KMT2C: variants seen among roughly 807,000 people sequenced by gnomAD.
The protein encoded by KMT2C is histone-lysine N-methyltransferase 2C.
Under a neutral mutation model 507.9 loss-of-function variants are expected in KMT2C, and 88 were observed. The observed-to-expected ratio is 0.17, with a 90% confidence interval of 0.15 to 0.21. The LOEUF is 0.21. KMT2C is among the 10% of genes least tolerant of loss of function. The probability of loss-of-function intolerance (pLI) is 1.00; values close to 1 mark genes in which losing one functional copy is unlikely to be tolerated. For missense variants in KMT2C, 4,954 were observed against 5,957.8 expected (o/e 0.83, Z 5.55); for synonymous variants, 2,049 against 2,080.8 (o/e 0.98, Z 0.42).
intron 7 of KMT2C, among the ~76,000 whole-genome samples, chr7:152,270,035 T>G (rs1184795030): frequency 1.6e-4 from 24 of 152,212 alleles, no homozygotes; most frequent in Admixed American, 1.4e-3. Flanking sequence ...TCAAAATAGC[T>G]GTCATACAGT....
intron 23 of KMT2C, among the ~76,000 whole-genome samples, chr7:152,209,922 G>A (rs1382453816): frequency 6.6e-6 from 1 of 152,072 alleles, no homozygotes; most frequent in Non-Finnish European, 1.5e-5. Context: ...CAAGCAACAA[G>A]AGATTTAATT....
At chr7:152,253,512 TA>T (rs2095595644) in intron 9 of KMT2C, among the ~76,000 whole-genome samples, 1 of 13,216 alleles carries the variant, frequency 7.6e-5, no homozygotes, top group African/African-American at 3.8e-4. Flanking sequence ...CCTCTTTCTC[TA>T]CAAAAAAAAA....
chr7:152,148,747 G>A lies in KMT2C; in HGVS notation c.13180C>T (p.Pro4394Ser), dbSNP rs369709875. ...KKLGTSLKPD[P>S]VPKDYRKCCF... Reference sequence around the variant, plus strand: ...CATTTCCGATAGTCTTTGGGCACAGGATCAGGTTTAAGGGAAGTGCCCAAT... The same window carrying A: ...CATTTCCGATAGTCTTTGGGCACAGAATCAGGTTTAAGGGAAGTGCCCAAT... Residue 4394 changes from proline (P) to serine (S), a missense_variant, in exon 52 of 59, where the codon CCT becomes TCT. Physicochemically the swap from Pro to Ser is moderately conservative, Grantham distance 74. This residue lies in a region of KMT2C where 417 missense variants were observed against 461.1 expected (regional missense o/e 0.90). Coordinates refer to ENST00000262189, the MANE Select transcript of KMT2C (RefSeq NM_170606.3). The surrounding 1 kb of genome is among the most constrained non-coding windows in gnomAD (Gnocchi z 7.1). 6.8e-6 allele frequency: 11 copies of A among 1,614,082 alleles called. No individual in the cohort carries two copies. Among genetic ancestry groups the A allele is most frequent in the South Asian group, 1.1e-5 (1 of 91,094 alleles).
intron 2 of KMT2C, among the ~76,000 whole-genome samples, chr7:152,348,011 G>A (rs925034175): frequency 1.3e-5 from 2 of 152,080 alleles, no homozygotes; most frequent in Non-Finnish European, 2.9e-5. Context: ...TGAAAAATGG[G>A]ACATCACTAC....
At position 152,183,095 on chromosome 7, in the gene KMT2C, G is replaced by C. The variant is rs1359780310; in HGVS notation, c.5144C>G (p.Ser1715Cys). The C allele has an allele frequency of 1.2e-6, 2 of 1,612,704 alleles. No individual in the cohort carries two copies. Among genetic ancestry groups the C allele is most frequent in the East Asian group, 2.2e-5 (1 of 44,832 alleles). ...RINKVQMSND[S>C]MKRQQQQDSI... ...ATCTTGCTGTTGCTGCCTTTTCATG[G>C]AATCATTTGACATCTGTACTTTATT... The change falls in exon 35 of 59, where the codon TCC becomes TGC. Residue 1715 changes from serine (S) to cysteine (C), a missense_variant. Physicochemically the swap from Ser to Cys is moderately radical, Grantham distance 112 (BLOSUM62 -1). Transcript: ENST00000262189.
chr7:152,310,382 C>T (rs2096660194), intron 5 of KMT2C, among the ~76,000 whole-genome samples: 2 of 152,136 alleles, frequency 1.3e-5, no homozygotes, highest in Non-Finnish European at 2.9e-5. Context: ...TTGAGACCAG[C>T]CTGGCTAACA....
chr7:152,138,935 G>T lies in KMT2C; in HGVS notation c.14535-31C>A. On this transcript the variant is annotated intron_variant, in intron 57 of 58. Transcript: ENST00000262189. The surrounding 1 kb of genome is among the most constrained non-coding windows in gnomAD (Gnocchi z 4.2). The stretch of plus-strand genomic sequence containing the variant: ...AGCCACCATGTCAGAAAACTGTATT[G>T]TAAAACAGCTAGAAGCAGCTTTAAA... The T allele has an allele frequency of 6.6e-7, 1 of 1,511,272 alleles. No homozygotes were observed. Among genetic ancestry groups the T allele is most frequent in the Non-Finnish European group, 9.2e-7 (1 of 1,086,356 alleles). The allele number at this position is 1,511,272 out of a possible 1,614,324, so 93.6% of individuals were successfully genotyped here.
At chr7:152,421,143 G>A (rs2097775108) in intron 1 of KMT2C, among the ~76,000 whole-genome samples, 1 of 152,016 alleles carries the variant, frequency 6.6e-6, no homozygotes, top group Non-Finnish European at 1.5e-5. Flanking sequence ...ATGAAAAAAT[G>A]CTCAACATCA....
In KMT2C at chr7:152,135,378, A is replaced by G. The variant is rs1427900333; in HGVS notation, c.*1454T>C. 3.2e-5 allele frequency: 7 copies of G among 216,400 alleles called. No homozygotes were observed. In the Admixed American group the frequency reaches 4.1e-4, roughly 13 times the overall value. 13.4% of individuals were successfully genotyped at this position (216,400 alleles called of 1,614,324 possible). A position where few individuals can be genotyped will look rare whatever the true frequency, so the allele number is the denominator to read the frequency against. On this transcript the variant is annotated 3_prime_UTR_variant, in exon 59 of 59. Transcript: ENST00000262189. ...GGTTCAAAATGCTGATTAAGTTTCTACAAGCAAACACAAAACAGTGTTTTT... is the reference window on the plus strand; with the variant it reads ...GGTTCAAAATGCTGATTAAGTTTCTGCAAGCAAACACAAAACAGTGTTTTT...
intron 2 of KMT2C, among the ~76,000 whole-genome samples, chr7:152,348,470 G>A (rs996031902): frequency 1.3e-5 from 2 of 151,526 alleles, no homozygotes; most frequent in African/African-American, 2.4e-5. Flanking sequence ...ATGGTGGCAG[G>A]TGCCTGTAAT....
intron 1 of KMT2C, among the ~76,000 whole-genome samples, chr7:152,422,519 T>C (rs2097783765): frequency 6.6e-6 from 1 of 152,048 alleles, no homozygotes; most frequent in Non-Finnish European, 1.5e-5. Flanking sequence ...AAGCAGTCAC[T>C]ACCAATCAAC....
chr7:152,315,827 C>T lies in KMT2C; in HGVS notation c.390-489G>A, dbSNP rs1443405128. Among the ~76,000 whole-genome samples, 7 of 152,120 alleles carry T rather than the reference C, an allele frequency of 4.6e-5. No homozygotes were observed. In the East Asian group the frequency reaches 7.7e-4, roughly 17 times the overall value. On this transcript the variant is annotated intron_variant, in intron 3 of 58. Coordinates refer to ENST00000262189, the MANE Select transcript of KMT2C (RefSeq NM_170606.3). ...AGCTACTCGGGTGGCTGAGGCACCT[C>T]GCTTGTATCCGGGAGGTAGAGGTTG...
chr7:152,385,446 A>G (rs2097416525), intron 1 of KMT2C, among the ~76,000 whole-genome samples: 1 of 133,360 alleles, frequency 7.5e-6, no homozygotes, highest in Non-Finnish European at 1.5e-5. Flanking sequence ...CCCCGTCTCT[A>G]CTAAAAATAC....
intron 23 of KMT2C, among the ~76,000 whole-genome samples, chr7:152,211,781 G>A (rs2094460452): frequency 6.6e-6 from 1 of 152,228 alleles, no homozygotes; most frequent in Non-Finnish European, 1.5e-5. Context: ...AGGCACGGTG[G>A]CTCATGCCTG....
chr7:152,241,682 A>C (rs1341586908), intron 14 of KMT2C, among the ~76,000 whole-genome samples: 2 of 152,164 alleles, frequency 1.3e-5, no homozygotes, highest in African/African-American at 4.8e-5. Context: ...AGATACCTAA[A>C]TTACTTCTCT....
chr7:152,337,397 T>C (rs2096945556), intron 2 of KMT2C, among the ~76,000 whole-genome samples: 2 of 152,216 alleles, frequency 1.3e-5, no homozygotes, highest in African/African-American at 4.8e-5. Flanking sequence ...GATGCAAAGA[T>C]AAATTAGATC....
At position 152,187,190 on chromosome 7, in the gene KMT2C, C is replaced by T. The variant is rs1019312186; in HGVS notation, c.5008+72G>A. 4.4e-5 allele frequency: 53 copies of T among 1,191,954 alleles called. No homozygotes were observed. The East Asian group carries it at 1.2e-3, about 28-fold the overall frequency. 73.8% of individuals were successfully genotyped at this position (1,191,954 alleles called of 1,614,324 possible). ...AATTAGTTAAGCTACCTTTCTATTG[C>T]AGTTAAAAAAAAAAAAGGTATTGCA... On this transcript the variant is annotated intron_variant, in intron 33 of 58. Coordinates refer to ENST00000262189, the MANE Select transcript of KMT2C (RefSeq NM_170606.3).
At chr7:152,430,396 T>C (rs2097854507) in intron 1 of KMT2C, among the ~76,000 whole-genome samples, 1 of 151,458 alleles carries the variant, frequency 6.6e-6, no homozygotes, top group African/African-American at 2.4e-5. Flanking sequence ...AAACACAAAC[T>C]CACACGCTGA....
chr7:152,232,650 G>A (rs1376319494), intron 16 of KMT2C, among the ~76,000 whole-genome samples: 1 of 151,988 alleles, frequency 6.6e-6, no homozygotes, highest in Admixed American at 6.6e-5. Context: ...TACCTATAAT[G>A]CTTTAATTTT....
Sources: gnomAD v4.1 joint callset for allele counts (sites outside exome capture counted in the v4.1 genomes callset) on GRCh38, gnomAD v4.1.1 for gene constraint, gnomAD v4.1.1 regional missense constraint, Gnocchi (gnomAD v3.1) non-coding constraint, MANE v1.5 for transcripts, NCBI Gene and HGNC (gene_info 2026-07-23, HGNC 2026-07-21) for gene names.